Variants in CTPS1 observed in about 807,000 individuals in gnomAD.
CTPS1 encodes the protein CTP synthase 1, also known as CTP synthetase 1.
CTPS1 carries 25 observed loss-of-function variants against 80.5 expected under a neutral mutation model. The observed-to-expected ratio is 0.31, with a 90% CI of 0.23 to 0.43. The LOEUF is 0.43. CTPS1 is among the 20% of genes least tolerant of loss of function. The probability of loss-of-function intolerance (pLI) is 1.00; values close to 1 mark genes in which losing one functional copy is unlikely to be tolerated. For missense variants in CTPS1, 442 were observed against 725.7 expected (o/e 0.61, Z 4.49); for synonymous variants, 267 against 252.5 (o/e 1.06, Z -0.54).
chr1:40,981,446 G>A (rs1651893649), intron 1 of CTPS1, among the ~76,000 whole-genome samples: 1 of 152,162 alleles, frequency 6.6e-6, no homozygotes, highest in Non-Finnish European at 1.5e-5. Flanking sequence ...CGGTGGCAGA[G>A]GAATTTCTAG....
chr1:41,010,270 A>G lies in CTPS1; in HGVS notation c.*9+16A>G. On this transcript the variant is annotated intron_variant, in intron 18 of 18. Transcript: ENST00000650070. ...ATCTTGTAGCGTAAGTGGTACTTTA[A>G]AGTTTTAGTTTTTAAAAACATGGTG... 6.4e-7 allele frequency: 1 copy of G among 1,565,632 alleles called. No individual in the cohort carries two copies. Among genetic ancestry groups the G allele is most frequent in the Admixed American group, 1.7e-5 (1 of 58,546 alleles).
intron 3 of CTPS1, among the ~76,000 whole-genome samples, chr1:40,985,487 T>C (rs1215728780): frequency 2.0e-5 from 3 of 152,220 alleles, no homozygotes; most frequent in Non-Finnish European, 2.9e-5. Context: ...AAGCTTTCAC[T>C]GGCACAGCTT....
At chr1:40,987,652 G>A (rs1005469283) in intron 4 of CTPS1, among the ~76,000 whole-genome samples, 180 bp downstream of exon 4, 1 of 152,176 alleles carries the variant, frequency 6.6e-6, no homozygotes, top group Non-Finnish European at 1.5e-5. Context: ...AGGGAAAACC[G>A]TAGTTTGCCC....
At chr1:41,008,010 C>T (rs1419478133) in intron 14 of CTPS1, among the ~76,000 whole-genome samples, 3 of 152,146 alleles carry the variant, frequency 2.0e-5, no homozygotes, top group Non-Finnish European at 2.9e-5. Flanking sequence ...CACAGATTTC[C>T]TTCTTGTCTA....
At chr1:40,998,215 GGTGAAACCCT>G (rs1312006317) in intron 9 of CTPS1, among the ~76,000 whole-genome samples, 1 of 146,174 alleles carries the variant, frequency 6.8e-6, no homozygotes, top group East Asian at 1.9e-4. Flanking sequence ...TGGCTAACAC[GGTGAAACCCT>G]GTCTCTACTT....
intron 9 of CTPS1, among the ~76,000 whole-genome samples, chr1:40,998,412 A>C (rs1570965491): frequency 1.3e-5 from 2 of 151,250 alleles, no homozygotes; most frequent in East Asian, 1.9e-4. Flanking sequence ...AAAAAAAAAA[A>C]AAAAAAAAAA....
intron 14 of CTPS1, 52 bp from the exon 15 acceptor site, chr1:41,008,607 G>C (rs1409637206): frequency 1.3e-5 from 20 of 1,560,480 alleles, no homozygotes; most frequent in Non-Finnish European, 1.8e-5. Context: ...CTTTGTGAAC[G>C]CATCATCCTG....
intron 1 of CTPS1, 36 bp from the exon 2 acceptor site, chr1:40,983,242 T>C (rs757498177): frequency 3.2e-6 from 5 of 1,573,872 alleles, no homozygotes; most frequent in East Asian, 2.3e-5. Context: ...TTTGTTGAGA[T>C]ACATTTATAT....
In CTPS1 at chr1:41,012,160, GA is replaced by G. The variant is rs1643189549; in HGVS notation, c.*514del. On this transcript the variant is annotated 3_prime_UTR_variant, in exon 19 of 19. Transcript: ENST00000650070. ...TCTCTATACTGCCCTGAGTTGGGGG[GA>G]ATTCTCAGTGCCAACTGTGGCTGGT... 1 of 152,120 alleles carries G rather than the reference GA, an allele frequency of 6.6e-6. No homozygotes were observed. Among genetic ancestry groups the G allele is most frequent in the Non-Finnish European group, 1.5e-5 (1 of 68,024 alleles). 9.4% of individuals were successfully genotyped at this position (152,120 alleles called of 1,614,324 possible).
chr1:41,006,394 T>C (rs557469091), intron 13 of CTPS1, among the ~76,000 whole-genome samples: 61 of 152,256 alleles, frequency 4.0e-4, no homozygotes, highest in African/African-American at 1.4e-3. Context: ...CAGAACACAG[T>C]ATAGATACTA....
At chr1:40,983,141 T>G (rs1027585050) in intron 1 of CTPS1, 137 bp from the exon 2 acceptor site, 53 of 655,180 alleles carry the variant, frequency 8.1e-5, no homozygotes, top group Non-Finnish European at 1.3e-4. Flanking sequence ...GACGAGAACC[T>G]TCTGAAGTCC....
chr1:41,003,932 C>T (rs1035024388), intron 12 of CTPS1: 2 of 152,310 alleles, frequency 1.3e-5, no homozygotes, highest in African/African-American at 4.8e-5. Context: ...ATGCTGTCTC[C>T]ACCTAGTGGC....
At chr1:40,999,891 T>C (rs534866416) in intron 9 of CTPS1, among the ~76,000 whole-genome samples, 2 of 152,232 alleles carry the variant, frequency 1.3e-5, no homozygotes, top group African/African-American at 4.8e-5. Flanking sequence ...CTCAAGCCCA[T>C]AATCCCAACA....
At chr1:41,009,354 T>C (rs1203696983) in intron 16 of CTPS1, 91 bp from the exon 17 acceptor site, 1 of 1,298,160 alleles carries the variant, frequency 7.7e-7, no homozygotes, top group African/African-American at 1.5e-5. Flanking sequence ...TTTTAGGGCC[T>C]ATGGAAACAA....
intron 8 of CTPS1, 112 bp from the exon 9 acceptor site, chr1:40,997,282 G>A (rs984615903): frequency 6.2e-6 from 8 of 1,284,340 alleles, no homozygotes; most frequent in South Asian, 1.4e-5. Context: ...GATTATGGGC[G>A]TGAGCTCATC....
At position 40,991,258 on chromosome 1, in the gene CTPS1, C is replaced by G. The variant is rs748379401; in HGVS notation, c.639+10C>G. The G allele has an allele frequency of 1.9e-6, 3 of 1,565,600 alleles. No homozygotes were observed. Among genetic ancestry groups the G allele is most frequent in the South Asian group, 2.4e-5 (2 of 83,052 alleles). On this transcript the variant is annotated intron_variant, in intron 6 of 18. Coordinates refer to ENST00000650070, the MANE Select transcript of CTPS1 (RefSeq NM_001905.4). Reference sequence around the variant, plus strand: ...GCTTTCCCCAGATCTGGTAAGATTTCCTGATAGCTGGTTGCAGTGTAATCT... The same window carrying G: ...GCTTTCCCCAGATCTGGTAAGATTTGCTGATAGCTGGTTGCAGTGTAATCT...
chr1:41,000,036 A>C (rs1337872440), intron 9 of CTPS1, among the ~76,000 whole-genome samples: 5 of 152,214 alleles, frequency 3.3e-5, no homozygotes, highest in Non-Finnish European at 7.3e-5. Flanking sequence ...AAACACAGCA[A>C]CATGGATGAA....
At chr1:41,002,961 AC>A (rs993312975) in intron 11 of CTPS1, among the ~76,000 whole-genome samples, 152 bp from the exon 12 acceptor site, 1 of 152,246 alleles carries the variant, frequency 6.6e-6, no homozygotes, top group African/African-American at 2.4e-5. Context: ...GTAAAGTGTA[AC>A]AGCAGAGAGT....
rs762033803 is a variant in CTPS1 at position 41,009,578 on chromosome 1, G to T, written c.1680G>T (p.Arg560Ser). ...RLSHYLQKGC[R>S]LSPRDTYSDR... Reference sequence around the variant, plus strand: ...CACATTACCTCCAGAAAGGCTGCAGGCTCTCACCCAGGTAGGCGCACTCTT... The same window carrying T: ...CACATTACCTCCAGAAAGGCTGCAGTCTCTCACCCAGGTAGGCGCACTCTT... Residue 560 changes from arginine to serine, a missense_variant, in exon 17 of 19, where the codon AGG becomes AGT. Arg to Ser is a moderately radical substitution (Grantham distance 110). Transcript: ENST00000650070. The T allele has an allele frequency of 5.0e-6, 8 of 1,614,052 alleles. No individual in the cohort carries two copies. In the South Asian group the frequency reaches 8.8e-5, roughly 18 times the overall value.
Sources: gnomAD v4.1 joint callset for allele counts (sites outside exome capture counted in the v4.1 genomes callset) on GRCh38, gnomAD v4.1.1 for gene constraint, MANE v1.5 for transcripts, NCBI Gene and HGNC (gene_info 2026-07-23, HGNC 2026-07-21) for gene names.